Variants in ARHGEF4 observed in about 807,000 individuals in gnomAD.
ARHGEF4 encodes the protein Rho guanine nucleotide exchange factor 4.
Under a neutral mutation model 162.0 loss-of-function variants are expected in ARHGEF4, and 119 were observed. The ratio of observed to expected loss-of-function variants is 0.73; its 90% CI spans 0.63 to 0.86. ARHGEF4 has a LOEUF of 0.86. ARHGEF4 is among the 40% of genes least tolerant of loss of function. The probability of loss-of-function intolerance (pLI) is 0.00; values close to 1 mark genes in which losing one functional copy is unlikely to be tolerated. For synonymous variants in ARHGEF4, 1,014 were observed against 979.9 expected (o/e 1.03, Z -0.65); for missense variants, 2,488 against 2,456.0 (o/e 1.01, Z -0.28).
chr2:131,023,096 G>A (rs370519929), intron 4 of ARHGEF4, among the ~76,000 whole-genome samples: 2,737 of 39,110 alleles, frequency 0.07, 6 homozygotes, highest in Middle Eastern at 0.14. Context: ...AAAAAAAAAA[G>A]AACTTTCAAA....
At chr2:130,988,666 T>G (rs920378046) in intron 4 of ARHGEF4, among the ~76,000 whole-genome samples, 3 of 152,072 alleles carry the variant, frequency 2.0e-5, no homozygotes, top group Non-Finnish European at 4.4e-5. Context: ...TAATATATTG[T>G]GGGATTCACT....
chr2:131,020,988 G>A (rs767771977), intron 4 of ARHGEF4, among the ~76,000 whole-genome samples: 3 of 152,222 alleles, frequency 2.0e-5, no homozygotes, highest in South Asian at 4.1e-4. Flanking sequence ...AAATGTCTTC[G>A]TTTGAGAAGT....
At chr2:130,885,822 G>A (rs946057034) in intron 1 of ARHGEF4, among the ~76,000 whole-genome samples, 1 of 150,760 alleles carries the variant, frequency 6.6e-6, no homozygotes, top group South Asian at 2.1e-4. Context: ...CACCCATCTC[G>A]GCCTCCCAAA....
At chr2:130,866,789 AGGAT>A (rs1267197964) in intron 1 of ARHGEF4, among the ~76,000 whole-genome samples, 1 of 152,128 alleles carries the variant, frequency 6.6e-6, no homozygotes, top group African/African-American at 2.4e-5. Flanking sequence ...AATTCTGTTG[AGGAT>A]TTTTGCATCT....
intron 1 of ARHGEF4, among the ~76,000 whole-genome samples, chr2:130,911,593 A>T (rs1360085038): frequency 6.6e-6 from 1 of 152,210 alleles, no homozygotes; most frequent in Non-Finnish European, 1.5e-5. Context: ...GAATTTCAGT[A>T]TCTGTACACT....
intron 4 of ARHGEF4, among the ~76,000 whole-genome samples, chr2:130,981,734 C>T (rs2105253716): frequency 6.6e-6 from 1 of 151,958 alleles, no homozygotes; most frequent in African/African-American, 2.4e-5. Context: ...CACTCAGTTA[C>T]CCTGGAGGCT....
At chr2:130,852,613 G>A (rs1681487918) in intron 1 of ARHGEF4, among the ~76,000 whole-genome samples, 1 of 152,186 alleles carries the variant, frequency 6.6e-6, no homozygotes, top group Non-Finnish European at 1.5e-5. Context: ...CCATAAGGTG[G>A]GACGCCCTGC....
At chr2:130,983,869 T>G (rs1229988795) in intron 4 of ARHGEF4, among the ~76,000 whole-genome samples, 4 of 152,154 alleles carry the variant, frequency 2.6e-5, no homozygotes, top group Non-Finnish European at 4.4e-5. Context: ...CAGGATGGTC[T>G]TGATCTCCTG....
chr2:130,985,493 G>T (rs1055133886), intron 4 of ARHGEF4, among the ~76,000 whole-genome samples: 5 of 152,022 alleles, frequency 3.3e-5, no homozygotes, highest in African/African-American at 1.2e-4. Flanking sequence ...CTAAAACTAG[G>T]GGTTTATACA....
At chr2:131,034,933 T>TTGGGGCC in intron 5 of ARHGEF4, 1 of 972,038 alleles carries the variant, frequency 1.0e-6, no homozygotes, top group Non-Finnish European at 1.2e-6. Context: ...TTGCCAGGGC[T>TTGGGGCC]TGGGGCCTGG....
intron 9 of ARHGEF4, 99 bp from the exon 10 acceptor site, chr2:131,041,716 C>G: frequency 1.3e-6 from 2 of 1,506,626 alleles, no homozygotes; most frequent in Non-Finnish European, 1.8e-6. Flanking sequence ...AAGGGCACAG[C>G]CCCAGAGGAA....
intron 4 of ARHGEF4, among the ~76,000 whole-genome samples, chr2:131,007,603 C>A (rs1239405244): frequency 6.6e-6 from 1 of 151,972 alleles, no homozygotes; most frequent in African/African-American, 2.4e-5. Flanking sequence ...ATCCTACCAT[C>A]CAAAAATAGA....
chr2:130,952,209 C>T (rs897507792), intron 4 of ARHGEF4, among the ~76,000 whole-genome samples: 3 of 152,132 alleles, frequency 2.0e-5, no homozygotes, highest in Non-Finnish European at 4.4e-5. Flanking sequence ...GTTAGGTCTA[C>T]TAGCAACAAA....
chr2:131,019,039 T>A (rs1168526811), intron 4 of ARHGEF4, among the ~76,000 whole-genome samples: 1 of 152,236 alleles, frequency 6.6e-6, no homozygotes, highest in Non-Finnish European at 1.5e-5. Context: ...ACTTTGTTTT[T>A]TTCAAAATAA....
intron 4 of ARHGEF4, among the ~76,000 whole-genome samples, chr2:130,986,180 C>T (rs543428589): frequency 6.6e-5 from 10 of 151,104 alleles, no homozygotes; most frequent in East Asian, 2.0e-4. Context: ...TTGTGTTGCA[C>T]GTGCATGTGT....
intron 4 of ARHGEF4, among the ~76,000 whole-genome samples, chr2:131,023,852 A>C (rs750125229): frequency 3.5e-4 from 53 of 152,372 alleles, no homozygotes; most frequent in Middle Eastern, 3.4e-3. Context: ...AGTTGGAAAC[A>C]ATCCACATAT....
intron 4 of ARHGEF4, among the ~76,000 whole-genome samples, chr2:130,952,737 G>A (rs1269556235): frequency 2.6e-5 from 4 of 152,126 alleles, no homozygotes; most frequent in African/African-American, 4.8e-5. Context: ...AAATCAATGT[G>A]CAAAAATCAC....
Position 131,045,807 on chromosome 2 carries a change from G to A in ARHGEF4, c.5480-231G>A, listed in dbSNP as rs1311512567. 6 of 1,427,938 alleles carry A rather than the reference G, an allele frequency of 4.2e-6. No homozygotes were observed. In the East Asian group the frequency reaches 7.6e-5, roughly 18 times the overall value. The allele number at this position is 1,427,938 out of a possible 1,614,324, so 88.5% of individuals were successfully genotyped here. A position where few individuals can be genotyped will look rare whatever the true frequency, so the allele number is the denominator to read the frequency against. On this transcript the variant is annotated intron_variant, in intron 13 of 13. Coordinates refer to ENST00000409359, the MANE Select transcript of ARHGEF4 (RefSeq NM_001367493.1). Reference sequence around the variant, plus strand: ...CTGAAACATCACATGCCTTTGCACAGGCCACCCCCCTCTTCAGGCTGCTGC... The same window carrying A: ...CTGAAACATCACATGCCTTTGCACAAGCCACCCCCCTCTTCAGGCTGCTGC...
At chr2:130,917,676 G>C (rs1681594456) in intron 2 of ARHGEF4, among the ~76,000 whole-genome samples, 178 bp downstream of exon 2, 1 of 151,946 alleles carries the variant, frequency 6.6e-6, no homozygotes, top group African/African-American at 2.4e-5. Flanking sequence ...CCAACTTCTT[G>C]AACGTTACCA....
Sources: allele counts gnomAD v4.1 joint callset (sites outside exome capture counted in the v4.1 genomes callset), GRCh38; gene constraint gnomAD v4.1.1; transcripts MANE v1.5; gene names NCBI Gene and HGNC (gene_info 2026-07-23, HGNC 2026-07-21).